The following ANXA7 variants were observed in gnomAD, a reference collection of about 807,000 sequenced individuals.
ANXA7 encodes the protein annexin VII.
In ANXA7, 55 loss-of-function variants were observed where a neutral mutation model predicts 64.9. That is an observed-to-expected ratio of 0.85 (90% CI 0.68 to 1.06). The LOEUF (loss-of-function observed/expected upper bound fraction) is 1.06, where lower values mean the gene tolerates loss of function less well. ANXA7 is among the 50% of genes least tolerant of loss of function. The probability of loss-of-function intolerance (pLI) is 0.00; values close to 1 mark genes in which losing one functional copy is unlikely to be tolerated. For synonymous variants in ANXA7, 200 were observed against 192.4 expected, an observed-to-expected ratio of 1.04 and a Z score of -0.33; for missense variants, 548 against 582.1, an observed-to-expected ratio of 0.94 and a Z score of 0.60.
In ANXA7 at chr10:73,383,327, G is replaced by T; in HGVS notation, c.766C>A (p.Arg256Ser). Residue 256 changes from arginine (R) to serine (S), a missense_variant, in exon 9 of 13, where the codon CGT (arginine) becomes AGT (serine). Coordinates refer to ENST00000372921, the MANE Select transcript of ANXA7 (RefSeq NM_001156.5). Reference protein sequence around the residue: ...KAMQGAGTQERVLIEILCTRT... With the variant: ...KAMQGAGTQESVLIEILCTRT... ...GTGCACAAAATCTCAATCAATACAC[G>T]TTCCTGAGTTCCTGCTCCCTACATG... The T allele has an allele frequency of 6.2e-7, 1 of 1,612,910 alleles. No homozygotes were observed. Among genetic ancestry groups the T allele is most frequent in the South Asian group, 1.1e-5 (1 of 90,952 alleles).
rs753114609 is a variant in ANXA7, at chr10:73,400,805, G to A, written c.52C>T (p.Pro18Ser). 1.9e-6 allele frequency: 3 copies of A among 1,604,610 alleles called. No homozygotes were observed. Among genetic ancestry groups the A allele is most frequent in the Non-Finnish European group, 8.5e-7 (1 of 1,174,632 alleles). ...PTGYPPFPGY[P>S]PAGQESSFPP... ...AGGTATTAAGTGGCAATACTTACAGGATATCCAGGGAAAGGTGGGTAGCCT... is the reference window on the plus strand; with the variant it reads ...AGGTATTAAGTGGCAATACTTACAGAATATCCAGGGAAAGGTGGGTAGCCT... Residue 18 changes from proline to serine, a missense_variant and splice_region_variant, in exon 2 of 13, where the codon CCT becomes TCT. By Grantham distance (74) the Pro-to-Ser change is moderately conservative. Coordinates refer to ENST00000372921, the MANE Select transcript of ANXA7 (RefSeq NM_001156.5).
At chr10:73,411,193 T>C (rs2055832331) in intron 1 of ANXA7, among the ~76,000 whole-genome samples, 1 of 151,902 alleles carries the variant, frequency 6.6e-6, no homozygotes, top group South Asian at 2.1e-4. Context: ...AATACAGGGG[T>C]GGAAAACCAA....
At chr10:73,376,494 T>C (rs529606949) in intron 12 of ANXA7, among the ~76,000 whole-genome samples, 1 of 152,184 alleles carries the variant, frequency 6.6e-6, no homozygotes, top group African/African-American at 2.4e-5. Flanking sequence ...ATGGCTATTA[T>C]CAAAACCAAA....
chr10:73,393,586 C>T (rs1373093392), intron 5 of ANXA7, among the ~76,000 whole-genome samples: 5 of 152,046 alleles, frequency 3.3e-5, no homozygotes, highest in Non-Finnish European at 1.5e-5. Context: ...TTTGACAAAC[C>T]TGACAAAAAC....
intron 1 of ANXA7, among the ~76,000 whole-genome samples, chr10:73,404,066 T>C (rs2132695521): frequency 6.6e-6 from 1 of 152,328 alleles, no homozygotes; most frequent in East Asian, 1.9e-4. Flanking sequence ...AGCATGAAGT[T>C]TGGCTTTTAT....
At chr10:73,392,805 CCTCT>C (rs763910968) in intron 5 of ANXA7, among the ~76,000 whole-genome samples, 85 of 152,168 alleles carry the variant, frequency 5.6e-4, no homozygotes, top group Non-Finnish European at 1.5e-4. Context: ...ACAGGGATGC[CCTCT>C]CTCACCACTC....
chr10:73,413,466 C>T (rs997410330), intron 1 of ANXA7, among the ~76,000 whole-genome samples: 9 of 152,212 alleles, frequency 5.9e-5, no homozygotes, highest in African/African-American at 2.2e-4. Context: ...AGATTTGCTG[C>T]TGGTCGGGGA....
At chr10:73,395,465 A>C (rs2055554149) in intron 5 of ANXA7, among the ~76,000 whole-genome samples, 1 of 152,178 alleles carries the variant, frequency 6.6e-6, no homozygotes, top group Non-Finnish European at 1.5e-5. Context: ...TAACAAGGTA[A>C]TTTAAGAATA....
intron 1 of ANXA7, among the ~76,000 whole-genome samples, chr10:73,411,777 G>C (rs1375415534): frequency 6.6e-6 from 1 of 151,880 alleles, no homozygotes; most frequent in African/African-American, 2.4e-5. Flanking sequence ...ACAGATTATG[G>C]ATAGCCATAC....
intron 4 of ANXA7, among the ~76,000 whole-genome samples, chr10:73,396,946 G>T (rs546122617): frequency 6.6e-6 from 1 of 152,168 alleles, no homozygotes; most frequent in African/African-American, 2.4e-5. Flanking sequence ...CTTTGGGACA[G>T]ATTTTTTTAA....
intron 2 of ANXA7, 137 bp from the exon 3 acceptor site, chr10:73,398,522 G>T (rs1216579220): frequency 1.3e-6 from 1 of 768,538 alleles, no homozygotes; most frequent in African/African-American, 1.8e-5. Flanking sequence ...AGAAATCCTG[G>T]TATCTTATAC....
chr10:73,383,801 T>C lies in ANXA7; in HGVS notation c.634-111A>G, dbSNP rs564399554. ...TGGAATTGCTTTATAAAAACCTAAA[T>C]TTGAAAGCTGAATGTTAATATACTA... On this transcript the variant is annotated intron_variant, in intron 7 of 12. Coordinates refer to ENST00000372921, the MANE Select transcript of ANXA7 (RefSeq NM_001156.5). 4.5e-5 allele frequency: 34 copies of C among 747,398 alleles called. No homozygotes were observed. In the African/African-American group the frequency reaches 5.3e-4, roughly 12 times the overall value. 46.3% of individuals were successfully genotyped at this position (747,398 alleles called of 1,614,324 possible).
chr10:73,382,279 G>T (rs753921646), intron 9 of ANXA7, among the ~76,000 whole-genome samples: 1 of 152,098 alleles, frequency 6.6e-6, no homozygotes, highest in Non-Finnish European at 1.5e-5. Flanking sequence ...GAATCAGCAT[G>T]CTAGTCATTT....
At position 73,379,041 on chromosome 10, in the gene ANXA7, T is replaced by A; in HGVS notation, c.1166-18A>T. ...ACACTGCACTGCAAGTTAGAGATGG[T>A]TGAGACATGGAATCATGATCTCACA... is the stretch of plus-strand genomic sequence containing the variant. On this transcript the variant is annotated intron_variant, in intron 11 of 12. Transcript: ENST00000372921. 2 of 1,554,268 alleles carry A rather than the reference T, an allele frequency of 1.3e-6. No individual in the cohort carries two copies. Among genetic ancestry groups the A allele is most frequent in the South Asian group, 2.3e-5 (2 of 86,758 alleles).
At chr10:73,382,932 G>C (rs2055298294) in intron 9 of ANXA7, among the ~76,000 whole-genome samples, 1 of 152,074 alleles carries the variant, frequency 6.6e-6, no homozygotes, top group South Asian at 2.1e-4. Context: ...GCCTCGAATT[G>C]GTTTCTGATT....
chr10:73,398,471 T>C (rs539492163), intron 2 of ANXA7, 86 bp from the exon 3 acceptor site: 75 of 1,221,738 alleles, frequency 6.1e-5, no homozygotes, highest in Non-Finnish European at 7.2e-5. Context: ...GAGGTTATTA[T>C]TAAGGTCTAC....
At chr10:73,396,148 A>G in intron 5 of ANXA7, 2 of 1,295,634 alleles carry the variant, frequency 1.5e-6, no homozygotes, top group Non-Finnish European at 2.2e-6. Flanking sequence ...TAAAAATGGG[A>G]AACAAAACCA....
At chr10:73,387,051 A>T (rs972465792) in intron 7 of ANXA7, among the ~76,000 whole-genome samples, 2 of 152,234 alleles carry the variant, frequency 1.3e-5, no homozygotes, top group Non-Finnish European at 2.9e-5. Flanking sequence ...AGAATAAACA[A>T]GGGCTATGTA....
intron 5 of ANXA7, among the ~76,000 whole-genome samples, 173 bp from the exon 6 acceptor site, chr10:73,388,587 C>G (rs1394751851): frequency 2.0e-5 from 3 of 152,150 alleles, no homozygotes; most frequent in Non-Finnish European, 4.4e-5. Context: ...CAGGAAAGAC[C>G]TATCCCCCTT....
Sources: gnomAD v4.1 joint callset for allele counts (sites outside exome capture counted in the v4.1 genomes callset) on GRCh38, gnomAD v4.1.1 for gene constraint, MANE v1.5 for transcripts, NCBI Gene and HGNC (gene_info 2026-07-23, HGNC 2026-07-21) for gene names.